The following LTB4R variants were observed in gnomAD, a reference collection of about 807,000 sequenced individuals.
LTB4R encodes leukotriene B4 receptor, also known as leukotriene B4 receptor 1.
For synonymous variants in LTB4R, 250 were observed against 230.7 expected (o/e 1.08, Z -0.76); for missense variants, 470 against 485.6 (o/e 0.97, Z 0.30).
chr14:24,316,767 C>A lies in LTB4R; in HGVS notation c.*57C>A. Reference sequence around the variant, plus strand: ...GCAGAATGCTAGCTCTGAGCCAGTTCAGTACCTGGAGGAGGAGCAGGGGCG... The same window carrying A: ...GCAGAATGCTAGCTCTGAGCCAGTTAAGTACCTGGAGGAGGAGCAGGGGCG... On this transcript the variant is annotated 3_prime_UTR_variant, in exon 2 of 2. Transcript: ENST00000345363. 1.4e-6 allele frequency: 2 copies of A among 1,381,762 alleles called. No homozygotes were observed. The highest frequency in any genetic ancestry group is 6.0e-5 in the East Asian group (2 of 33,194). The allele number at this position is 1,381,762 out of a possible 1,614,324, so 85.6% of individuals were successfully genotyped here. A position where few individuals can be genotyped will look rare whatever the true frequency, so the allele number is the denominator to read the frequency against.
chr14:24,316,262 T>C lies in LTB4R; in HGVS notation c.611T>C (p.Ile204Thr). 2.5e-6 allele frequency: 4 copies of C among 1,612,522 alleles called. No individual in the cohort carries two copies. Among genetic ancestry groups the C allele is most frequent in the Non-Finnish European group, 3.4e-6 (4 of 1,179,848 alleles). The change falls in exon 2 of 2, where the codon ATA becomes ACA. Residue 204 changes from isoleucine to threonine, a missense_variant. Transcript: ENST00000345363. The part of the protein sequence containing the change: ...FLAVVASYSD[I>T]GRRLQARRFR... ...GCTGTGGTGGCCAGCTACTCGGACA[T>C]AGGGCGTCGGCTACAGGCCCGGCGC...
chr14:24,312,054 G>T, intron 1 of LTB4R: 1 of 331,832 alleles, frequency 3.0e-6, no homozygotes, highest in African/African-American at 2.1e-5. Flanking sequence ...TGACTTAAGT[G>T]TGCTTCCCCT....
rs1199508104 is a variant in LTB4R, at chr14:24,315,794, A to G, written c.143A>G (p.Gln48Arg). 8.7e-6 allele frequency: 14 copies of G among 1,614,132 alleles called. No individual in the cohort carries two copies. Among genetic ancestry groups the G allele is most frequent in the Non-Finnish European group, 8.5e-6 (10 of 1,180,050 alleles). ...GTGTGGAGTATCCTGAAAAGGATGC[A>G]GAAGCGCTCTGTCACTGCCCTGATG... is the stretch of plus-strand genomic sequence containing the variant. ...FVVWSILKRM[Q>R]KRSVTALMVL... Residue 48 changes from glutamine to arginine, a missense_variant, in exon 2 of 2, where the codon CAG becomes CGG. Transcript: ENST00000345363.
rs761814291 is a variant in LTB4R at position 24,315,751 on chromosome 14, C to T, written c.100C>T (p.Pro34Ser). 1 of 1,614,194 alleles carries T rather than the reference C, an allele frequency of 6.2e-7. No homozygotes were observed. The highest frequency in any genetic ancestry group is 1.1e-5 in the South Asian group (1 of 91,084). ...GTCAGTGGCGCTGGCTGTGGGGCTT[C>T]CCGGCAACAGCTTTGTGGTGTGGAG... ...LLSVALAVGL[P>S]GNSFVVWSIL... The change falls in exon 2 of 2, where the codon CCC becomes TCC. Residue 34 changes from proline to serine, a missense_variant. Transcript: ENST00000345363.
Position 24,316,552 on chromosome 14 carries a change from G to C in LTB4R, c.901G>C (p.Val301Leu). ...GCTGCGCTCGGCGGGCGTGGGCTTCGTCGCCAAGCTGCTGGAGGGCACGGG... is the reference window on the plus strand; with the variant it reads ...GCTGCGCTCGGCGGGCGTGGGCTTCCTCGCCAAGCTGCTGGAGGGCACGGG... ...GLLRSAGVGF[V>L]AKLLEGTGSE... is the part of the protein sequence containing the mutation. Residue 301 changes from valine (V) to leucine (L), a missense_variant, in exon 2 of 2, where the codon GTC becomes CTC. Physicochemically the swap from Val to Leu is conservative, Grantham distance 32. Coordinates refer to ENST00000345363, the MANE Select transcript of LTB4R (RefSeq NM_001143919.3). The C allele has an allele frequency of 6.3e-6, 9 of 1,436,296 alleles. No homozygotes were observed. Among genetic ancestry groups the C allele is most frequent in the Non-Finnish European group, 8.2e-6 (9 of 1,102,556 alleles). 89.0% of individuals were successfully genotyped at this position (1,436,296 alleles called of 1,614,324 possible).
In LTB4R at chr14:24,316,274, T is replaced by C. The variant is rs1190731742; in HGVS notation, c.623T>C (p.Leu208Pro). 1.2e-6 allele frequency: 2 copies of C among 1,610,818 alleles called. No homozygotes were observed. Among genetic ancestry groups the C allele is most frequent in the Non-Finnish European group, 1.7e-6 (2 of 1,179,196 alleles). Residue 208 changes from leucine to proline, a missense_variant, in exon 2 of 2, where the codon CTA becomes CCA. Transcript: ENST00000345363. ...AGCTACTCGGACATAGGGCGTCGGC[T>C]ACAGGCCCGGCGCTTCCGCCGCAGC... ...VASYSDIGRR[L>P]QARRFRRSRR...
chr14:24,316,649 A>G lies in LTB4R; in HGVS notation c.998A>G (p.Glu333Gly). 6.5e-7 allele frequency: 1 copy of G among 1,537,936 alleles called. No homozygotes were observed. Among genetic ancestry groups the G allele is most frequent in the Non-Finnish European group, 8.7e-7 (1 of 1,143,298 alleles). The change falls in exon 2 of 2, where the codon GAG (glutamate) becomes GGG (glycine). Residue 333 changes from glutamate to glycine, a missense_variant. Transcript: ENST00000345363. ...GCTAGGAGCGGCCCCGCCGCTCTGG[A>G]GCCCGGCCCTTCCGAGAGCCTCACT... ...QTARSGPAAL[E>G]PGPSESLTAS...
intron 1 of LTB4R, 200 bp downstream of exon 1, chr14:24,312,004 T>C: frequency 2.1e-6 from 1 of 473,878 alleles, no homozygotes; most frequent in Admixed American, 3.9e-5. Flanking sequence ...TTGTTGCCAA[T>C]AGCTGTTATT....
rs1312510579 is a variant in LTB4R at position 24,316,298 on chromosome 14, G to A, written c.647G>A (p.Ser216Asn). The A allele has an allele frequency of 6.2e-7, 1 of 1,603,192 alleles. No individual in the cohort carries two copies. The highest frequency in any genetic ancestry group is 1.1e-5 in the South Asian group (1 of 90,446). ...RRLQARRFRR[S>N]RRTGRLVVLI... ...CTACAGGCCCGGCGCTTCCGCCGCA[G>A]CCGCCGCACCGGCCGCCTGGTGGTG... The change falls in exon 2 of 2, where the codon AGC (serine) becomes AAC (asparagine). Residue 216 changes from serine to asparagine, a missense_variant. Ser to Asn is a conservative substitution (Grantham distance 46). Transcript: ENST00000345363.
At position 24,311,810 on chromosome 14, in the gene LTB4R, T is replaced by C. The variant is rs373892378; in HGVS notation, c.-16+6T>C. 5.1e-6 allele frequency: 7 copies of C among 1,366,996 alleles called. No individual in the cohort carries two copies. Among genetic ancestry groups the C allele is most frequent in the Non-Finnish European group, 5.9e-6 (6 of 1,010,632 alleles). The allele number at this position is 1,366,996 out of a possible 1,614,324, so 84.7% of individuals were successfully genotyped here. A position where few individuals can be genotyped will look rare whatever the true frequency, so the allele number is the denominator to read the frequency against. On this transcript the variant is annotated splice_donor_region_variant and intron_variant, in intron 1 of 1. Transcript: ENST00000345363. ...CCCCCACCCACCCTCCAGAGGTCAG[T>C]GTTCTGGGACATTTGGGGACCCTTC...
Position 24,316,134 on chromosome 14 carries a change from G to A in LTB4R, c.483G>A (p.Trp161Ter). The part of the protein sequence containing the change: ...PVLAYRTVVP[W>*]KTNMSLCFPR... ...TCGCGTACCGCACAGTAGTGCCCTG[G>A]AAAACGAACATGAGCCTGTGCTTCC... Residue 161 changes from tryptophan (W) to a stop codon, truncating the protein, a stop_gained, in exon 2 of 2, where the codon TGG becomes TGA. Coordinates refer to ENST00000345363, the MANE Select transcript of LTB4R (RefSeq NM_001143919.3). LOFTEE classifies it low-confidence loss of function (END_TRUNC). 1 of 1,613,884 alleles carries A rather than the reference G, an allele frequency of 6.2e-7. No individual in the cohort carries two copies. Among genetic ancestry groups the A allele is most frequent in the Non-Finnish European group, 8.5e-7 (1 of 1,180,048 alleles).
Position 24,316,714 on chromosome 14 carries a change from T to C in LTB4R, c.*4T>C, listed in dbSNP as rs1299258293. 1 of 1,515,808 alleles carries C rather than the reference T, an allele frequency of 6.6e-7. No individual in the cohort carries two copies. Among genetic ancestry groups the C allele is most frequent in the Non-Finnish European group, 8.8e-7 (1 of 1,132,450 alleles). The allele number at this position is 1,515,808 out of a possible 1,614,324, so 93.9% of individuals were successfully genotyped here. A position where few individuals can be genotyped will look rare whatever the true frequency, so the allele number is the denominator to read the frequency against. ...CAAGTTAAACGAACTGAACTAGGCC[T>C]GGTGGAAGGAGGCGCACTTTCCTCC... On this transcript the variant is annotated 3_prime_UTR_variant, in exon 2 of 2. Transcript: ENST00000345363.
intron 1 of LTB4R, among the ~76,000 whole-genome samples, chr14:24,312,771 T>C (rs1351513972): frequency 6.6e-6 from 1 of 152,200 alleles, no homozygotes; most frequent in African/African-American, 2.4e-5. Flanking sequence ...GGATGTAGAA[T>C]GGGATTCTTT....
At position 24,315,866 on chromosome 14, in the gene LTB4R, C is replaced by T. The variant is rs2139182955; in HGVS notation, c.215C>T (p.Pro72Leu). 2 of 1,614,256 alleles carry T rather than the reference C, an allele frequency of 1.2e-6. No homozygotes were observed. Among genetic ancestry groups the T allele is most frequent in the Non-Finnish European group, 1.7e-6 (2 of 1,180,052 alleles). ...GACCTGGCCGTATTGCTCACTGCTCCCTTTTTCCTTCACTTCCTGGCCCAA... is the reference window on the plus strand; with the variant it reads ...GACCTGGCCGTATTGCTCACTGCTCTCTTTTTCCTTCACTTCCTGGCCCAA... ...LADLAVLLTA[P>L]FFLHFLAQGT... is the part of the protein sequence containing the mutation. The change falls in exon 2 of 2, where the codon CCC (proline) becomes CTC (leucine). Residue 72 changes from proline (P) to leucine (L), a missense_variant. Coordinates refer to ENST00000345363, the MANE Select transcript of LTB4R (RefSeq NM_001143919.3).
Position 24,316,270 on chromosome 14 carries a change from CG to C in LTB4R, c.621del (p.Leu208TyrfsTer21). The C allele has an allele frequency of 6.2e-7, 1 of 1,611,468 alleles. No homozygotes were observed. The highest frequency in any genetic ancestry group is 1.1e-5 in the South Asian group (1 of 90,968). On this transcript the variant is annotated frameshift_variant, in exon 2 of 2. Transcript: ENST00000345363. LOFTEE classifies it low-confidence loss of function (END_TRUNC). ...GGCCAGCTACTCGGACATAGGGCGT[CG>C]GCTACAGGCCCGGCGCTTCCGCCGC... is the stretch of plus-strand genomic sequence containing the variant. Reference protein sequence around the residue: ...VVASYSDIGRRLQARRFRRSR... With the variant: ...VVASYSDIGRXLQARRFRRSR...
Position 24,315,772 on chromosome 14 carries a change from TG to T in LTB4R, c.123del (p.Trp41Ter), listed in dbSNP as rs747410701. The T allele has an allele frequency of 6.2e-7, 1 of 1,614,220 alleles. No individual in the cohort carries two copies. Among genetic ancestry groups the T allele is most frequent in the Non-Finnish European group, 8.5e-7 (1 of 1,180,036 alleles). On this transcript the variant is annotated frameshift_variant, in exon 2 of 2. Transcript: ENST00000345363. LOFTEE classifies it low-confidence loss of function (END_TRUNC). The stretch of plus-strand genomic sequence containing the variant: ...GCTTCCCGGCAACAGCTTTGTGGTG[TG>T]GAGTATCCTGAAAAGGATGCAGAAG... ...VGLPGNSFVV[W>X]SILKRMQKRS... is the part of the protein sequence containing the mutation.
chr14:24,312,066 G>T (rs2041720627), intron 1 of LTB4R: 2 of 299,478 alleles, frequency 6.7e-6, no homozygotes, highest in Non-Finnish European at 6.5e-6. Context: ...GCTTCCCCTG[G>T]TGGTTCTTCA....
rs2041785457 is a variant in LTB4R, at chr14:24,317,261, G to A, written c.*551G>A. ...AGCACTGCTGTGAAATATCTTCCTT[G>A]AAGCCTGTGATAAGTCTCCTTGTTA... On this transcript the variant is annotated 3_prime_UTR_variant, in exon 2 of 2. Transcript: ENST00000345363. 3 of 167,232 alleles carry A rather than the reference G, an allele frequency of 1.8e-5. No individual in the cohort carries two copies. The highest frequency in any genetic ancestry group is 7.2e-5 in the African/African-American group (3 of 41,450). 10.4% of individuals were successfully genotyped at this position (167,232 alleles called of 1,614,324 possible).
In LTB4R at chr14:24,315,901, A is replaced by C. The variant is rs1283242594; in HGVS notation, c.250A>C (p.Ser84Arg). ...TCACTTCCTGGCCCAAGGCACCTGGAGTTTTGGACTGGCTGGTTGCCGCCT... is the reference window on the plus strand; with the variant it reads ...TCACTTCCTGGCCCAAGGCACCTGGCGTTTTGGACTGGCTGGTTGCCGCCT... ...FLHFLAQGTW[S>R]FGLAGCRLCH... The change falls in exon 2 of 2, where the codon AGT (serine) becomes CGT (arginine). Residue 84 changes from serine (S) to arginine (R), a missense_variant. Coordinates refer to ENST00000345363, the MANE Select transcript of LTB4R (RefSeq NM_001143919.3). 1 of 1,614,076 alleles carries C rather than the reference A, an allele frequency of 6.2e-7. No individual in the cohort carries two copies. The highest frequency in any genetic ancestry group is 1.7e-5 in the Admixed American group (1 of 60,024).
Sources: allele counts gnomAD v4.1 joint callset (sites outside exome capture counted in the v4.1 genomes callset), GRCh38; gene constraint gnomAD v4.1.1; transcripts MANE v1.5; gene names NCBI Gene and HGNC (gene_info 2026-07-23, HGNC 2026-07-21).